Variants in EXOC6 observed in about 807,000 individuals in gnomAD.
EXOC6 encodes SEC15-like 1.
In EXOC6, 60 loss-of-function variants were observed where a neutral mutation model predicts 112.5. That is an observed-to-expected ratio of 0.53 (90% confidence interval 0.43 to 0.66). The LOEUF (loss-of-function observed/expected upper bound fraction) is 0.66. Ranked by LOEUF, EXOC6 falls within the 30% of genes least tolerant of loss-of-function variation. The pLI is 0.00. For synonymous variants in EXOC6, 295 were observed against 308.0 expected (o/e 0.96, Z 0.44); for missense variants, 855 against 957.1 (o/e 0.89, Z 1.41).
chr10:92,831,495 G>A (rs371282877), upstream of EXOC6: 84 of 378,872 alleles, frequency 2.2e-4, no homozygotes, highest in East Asian at 6.0e-3. Context: ...GTACAATGGC[G>A]TGATCTCGGC....
At chr10:92,849,809 G>C (rs1263363086) in intron 1 of EXOC6, among the ~76,000 whole-genome samples, 1 of 152,090 alleles carries the variant, frequency 6.6e-6, no homozygotes, top group African/African-American at 2.4e-5. Flanking sequence ...AACCTCTCTG[G>C]ATCTCGGTTT....
intron 20 of EXOC6, among the ~76,000 whole-genome samples, chr10:93,028,491 AGT>A (rs1322355799): frequency 6.6e-6 from 1 of 152,134 alleles, no homozygotes; most frequent in African/African-American, 2.4e-5. Context: ...AAGCAGGGAA[AGT>A]GTTTTTTTGA....
intron 1 of EXOC6, among the ~76,000 whole-genome samples, chr10:92,877,505 A>G (rs1311953032): frequency 6.6e-6 from 1 of 152,176 alleles, no homozygotes; most frequent in Non-Finnish European, 1.5e-5. Flanking sequence ...TGTATGCAAA[A>G]TTGCTTTGTG....
intron 14 of EXOC6, among the ~76,000 whole-genome samples, chr10:92,951,631 G>A (rs1421336594): frequency 6.6e-6 from 1 of 152,078 alleles, no homozygotes; most frequent in South Asian, 2.1e-4. Context: ...AGAAAAGAGG[G>A]TTTTTTTAAT....
chr10:92,854,007 CAAAAA>C (rs34153493), intron 1 of EXOC6, among the ~76,000 whole-genome samples: 13 of 120,080 alleles, frequency 1.1e-4, no homozygotes, highest in Non-Finnish European at 6.9e-5. Flanking sequence ...GTCCCTGTCT[CAAAAA>C]AAAAAAAAAA....
chr10:93,054,593 T>C (rs766086123), intron 20 of EXOC6, among the ~76,000 whole-genome samples: 18 of 152,262 alleles, frequency 1.2e-4, no homozygotes, highest in Non-Finnish European at 2.1e-4. Context: ...ATTGTAAGCA[T>C]AGTGTTTCTT....
chr10:92,839,551 A>G (rs1205236278), intron 1 of EXOC6, among the ~76,000 whole-genome samples: 3 of 152,180 alleles, frequency 2.0e-5, no homozygotes, highest in Admixed American at 6.5e-5. Context: ...AGTGTTCATA[A>G]CATTTATTTA....
chr10:92,947,089 T>A (rs75874646), intron 13 of EXOC6, among the ~76,000 whole-genome samples: 1 of 152,188 alleles, frequency 6.6e-6, no homozygotes, highest in Admixed American at 6.5e-5. Flanking sequence ...TAATCAAAAT[T>A]ATTTAATTAA....
intron 1 of EXOC6, among the ~76,000 whole-genome samples, chr10:92,880,347 A>AT (rs1013318055): frequency 5.2e-4 from 78 of 149,478 alleles, no homozygotes; most frequent in African/African-American, 1.5e-3. Context: ...GCAACCACCC[A>AT]TTTTTTTTTT....
chr10:92,946,305 A>G (rs1852998299), intron 13 of EXOC6, among the ~76,000 whole-genome samples: 1 of 152,010 alleles, frequency 6.6e-6, no homozygotes, highest in Non-Finnish European at 1.5e-5. Context: ...CAAAAAAAAG[A>G]ATCGCTTGAA....
intron 16 of EXOC6, among the ~76,000 whole-genome samples, chr10:92,955,271 C>T (rs1438978526): frequency 6.6e-6 from 1 of 151,984 alleles, no homozygotes; most frequent in African/African-American, 2.4e-5. Context: ...TGCCAGACTA[C>T]AGGAAAAGTC....
intron 19 of EXOC6, among the ~76,000 whole-genome samples, chr10:93,013,536 A>T (rs1400364315): frequency 1.3e-5 from 2 of 152,208 alleles, no homozygotes; most frequent in South Asian, 4.1e-4. Context: ...TGAACCTGGG[A>T]GGCAGAGGTT....
intron 19 of EXOC6, among the ~76,000 whole-genome samples, chr10:92,998,683 C>T (rs1216354125): frequency 6.8e-6 from 1 of 147,444 alleles, no homozygotes; most frequent in African/African-American, 2.5e-5. Flanking sequence ...TTTCTAAAAA[C>T]CTACCCATTT....
chr10:92,896,075 A>G (rs201395928), intron 4 of EXOC6, among the ~76,000 whole-genome samples: 13 of 104,372 alleles, frequency 1.2e-4, no homozygotes, highest in East Asian at 3.7e-4. Context: ...ATATGTGTAT[A>G]TATATGTGTA....
intron 12 of EXOC6, among the ~76,000 whole-genome samples, chr10:92,936,936 A>G (rs886922216): frequency 6.6e-6 from 1 of 152,000 alleles, no homozygotes; most frequent in Non-Finnish European, 1.5e-5. Flanking sequence ...TGGGGTGTAC[A>G]CCCTCTGCGA....
intron 20 of EXOC6, among the ~76,000 whole-genome samples, chr10:93,028,080 T>G (rs1231738475): frequency 3.3e-5 from 5 of 152,202 alleles, no homozygotes; most frequent in Non-Finnish European, 7.4e-5. Context: ...GAGGACTGCT[T>G]GAGGCTGGGA....
At chr10:93,007,085 A>G (rs1367018079) in intron 19 of EXOC6, among the ~76,000 whole-genome samples, 1 of 151,920 alleles carries the variant, frequency 6.6e-6, no homozygotes, top group African/African-American at 2.4e-5. Context: ...TATGATAAAG[A>G]TAACTGTCTG....
chr10:92,911,936 T>C (rs141938964), intron 6 of EXOC6, among the ~76,000 whole-genome samples: 5 of 47,382 alleles, frequency 1.1e-4, no homozygotes. Context: ...TCTCTCTGTG[T>C]GCGTGTGTGT....
At chr10:92,915,306 C>T (rs1023519598) in intron 6 of EXOC6, among the ~76,000 whole-genome samples, 1 of 152,024 alleles carries the variant, frequency 6.6e-6, no homozygotes, top group Non-Finnish European at 1.5e-5. Context: ...CTCTGGGAGG[C>T]TGGGGCAGGC....
Sources: gnomAD v4.1 joint callset for allele counts (sites outside exome capture counted in the v4.1 genomes callset) on GRCh38, gnomAD v4.1.1 for gene constraint, MANE v1.5 for transcripts, NCBI Gene and HGNC (gene_info 2026-07-23, HGNC 2026-07-21) for gene names.